FAM53B: variants seen among roughly 807,000 people sequenced by gnomAD.
FAM53B encodes protein FAM53B.
FAM53B carries 12 observed loss-of-function variants against 32.7 expected under a neutral mutation model. The ratio of observed to expected loss-of-function variants is 0.37; its 90% CI spans 0.24 to 0.59. The LOEUF (loss-of-function observed/expected upper bound fraction) is 0.59. Ranked by LOEUF, FAM53B falls within the 20% of genes least tolerant of loss-of-function variation. FAM53B has a pLI of 0.72. For synonymous variants in FAM53B, 234 were observed against 228.7 expected (o/e 1.02, Z -0.21); for missense variants, 477 against 577.7 (o/e 0.83, Z 1.79).
chr10:124,670,887 G>A (rs541252002), intron 4 of FAM53B, among the ~76,000 whole-genome samples: 3 of 152,198 alleles, frequency 2.0e-5, no homozygotes, highest in Non-Finnish European at 4.4e-5. Flanking sequence ...AGGCCTGAAT[G>A]ACATCCATCC....
At chr10:124,730,132 T>G (rs1950131644) in intron 1 of FAM53B, among the ~76,000 whole-genome samples, 1 of 152,240 alleles carries the variant, frequency 6.6e-6, no homozygotes, top group Non-Finnish European at 1.5e-5. Flanking sequence ...AAGTAGTTCT[T>G]TATCTGATGC....
intron 4 of FAM53B, among the ~76,000 whole-genome samples, chr10:124,658,717 G>C (rs965116843): frequency 6.6e-6 from 1 of 152,144 alleles, no homozygotes; most frequent in Non-Finnish European, 1.5e-5. Context: ...ACTTCACCCC[G>C]GCAACCCAGG....
intron 1 of FAM53B, among the ~76,000 whole-genome samples, chr10:124,722,685 C>T (rs1005969316): frequency 6.6e-5 from 10 of 152,104 alleles, no homozygotes; most frequent in Non-Finnish European, 1.3e-4. Context: ...ATAAAAAATA[C>T]TGTATTTTTA....
intron 1 of FAM53B, among the ~76,000 whole-genome samples, chr10:124,719,793 T>C (rs376033102): frequency 1.3e-5 from 2 of 152,338 alleles, no homozygotes; most frequent in South Asian, 4.1e-4. Context: ...TTCACCTCGC[T>C]GTGGAAAGGG....
At chr10:124,707,033 C>T (rs544018534) in intron 1 of FAM53B, 146 bp from the exon 2 acceptor site, 83 of 633,190 alleles carry the variant, frequency 1.3e-4, no homozygotes, top group Non-Finnish European at 1.7e-4. Context: ...GTCACCAAGG[C>T]CCAGAGTTAC....
intron 3 of FAM53B, among the ~76,000 whole-genome samples, chr10:124,688,124 T>C (rs576519765): frequency 6.6e-6 from 1 of 152,292 alleles, no homozygotes; most frequent in East Asian, 1.9e-4. Context: ...GCAAAGGCCT[T>C]AGAAGCTAAC....
rs114692032 is a variant in FAM53B at position 124,696,948 on chromosome 10, C to G, written c.79-736G>C. ...ACCCTCAACTGAATGCTATGGCCAC[C>G]AGGCAGAATAGGCCAACGAGGCCTA... On this transcript the variant is annotated intron_variant, in intron 2 of 4. Transcript: ENST00000337318. Among the ~76,000 whole-genome samples, 633 of 152,254 alleles carry G rather than the reference C, an allele frequency of 4.2e-3. 11 individuals carry two copies. The highest frequency in any genetic ancestry group is 0.014 in the African/African-American group (596 of 41,534).
At chr10:124,697,952 T>C (rs1282774655) in intron 2 of FAM53B, among the ~76,000 whole-genome samples, 1 of 152,062 alleles carries the variant, frequency 6.6e-6, no homozygotes, top group Non-Finnish European at 1.5e-5. Context: ...AGCTGAGAGG[T>C]GCAGCTGAGA....
At chr10:124,664,893 G>A (rs771968615) in intron 4 of FAM53B, among the ~76,000 whole-genome samples, 3 of 152,176 alleles carry the variant, frequency 2.0e-5, no homozygotes, top group African/African-American at 4.8e-5. Flanking sequence ...GCTGCTGCTC[G>A]ATCCAGGACT....
intron 1 of FAM53B, among the ~76,000 whole-genome samples, chr10:124,711,991 T>C (rs1380377088): frequency 6.6e-6 from 1 of 152,010 alleles, no homozygotes; most frequent in African/African-American, 2.4e-5. Context: ...GCCCAGGAGT[T>C]TGAAGTTGAA....
At chr10:124,724,261 G>A (rs1177227566) in intron 1 of FAM53B, among the ~76,000 whole-genome samples, 1 of 152,196 alleles carries the variant, frequency 6.6e-6, no homozygotes, top group Non-Finnish European at 1.5e-5. Flanking sequence ...TAAATGACAT[G>A]TCTGACACTC....
chr10:124,656,751 G>A (rs1192595834), intron 4 of FAM53B, among the ~76,000 whole-genome samples: 1 of 152,164 alleles, frequency 6.6e-6, no homozygotes, highest in African/African-American at 2.4e-5. Context: ...AAGGATACAA[G>A]AGCATCAACA....
intron 4 of FAM53B, among the ~76,000 whole-genome samples, chr10:124,667,847 G>T (rs1475404190): frequency 6.6e-6 from 1 of 152,186 alleles, no homozygotes; most frequent in Middle Eastern, 3.2e-3. Context: ...GCCTCTCCAG[G>T]GGGTACTGCA....
intron 3 of FAM53B, among the ~76,000 whole-genome samples, chr10:124,689,086 C>T (rs1222382240): frequency 6.6e-6 from 1 of 152,196 alleles, no homozygotes; most frequent in Non-Finnish European, 1.5e-5. Context: ...TCTACTTGTG[C>T]TGACAATGAG....
At chr10:124,704,234 A>C (rs1427193456) in intron 2 of FAM53B, 1 of 152,362 alleles carries the variant, frequency 6.6e-6, no homozygotes, top group African/African-American at 2.4e-5. Context: ...ACAATGGTGA[A>C]TGAGAAGAGG....
intron 3 of FAM53B, among the ~76,000 whole-genome samples, chr10:124,695,508 C>A (rs1050957512): frequency 6.6e-6 from 1 of 152,180 alleles, no homozygotes; most frequent in African/African-American, 2.4e-5. Context: ...GGAAACTATC[C>A]TAGCAAATCA....
chr10:124,740,212 C>T (rs960810891), intron 1 of FAM53B, among the ~76,000 whole-genome samples: 2 of 152,092 alleles, frequency 1.3e-5, no homozygotes, highest in African/African-American at 2.4e-5. Context: ...GACCTAAGTT[C>T]GGTGAGGTTA....
At chr10:124,692,007 G>A (rs1028652827) in intron 3 of FAM53B, among the ~76,000 whole-genome samples, 1 of 152,230 alleles carries the variant, frequency 6.6e-6, no homozygotes, top group Admixed American at 6.5e-5. Flanking sequence ...CCTGTGTCGA[G>A]AGCACAAGAA....
intron 1 of FAM53B, among the ~76,000 whole-genome samples, chr10:124,726,017 T>C (rs376948092): frequency 3.0e-4 from 46 of 152,150 alleles, no homozygotes; most frequent in East Asian, 9.7e-4. Flanking sequence ...CAGTAGAGAA[T>C]TGCCTGAGAA....
Sources: gnomAD v4.1 joint callset for allele counts (sites outside exome capture counted in the v4.1 genomes callset) on GRCh38, gnomAD v4.1.1 for gene constraint, MANE v1.5 for transcripts, NCBI Gene and HGNC (gene_info 2026-07-23, HGNC 2026-07-21) for gene names.